The following IQCK variants were observed in gnomAD, a reference collection of about 807,000 sequenced individuals.
IQCK encodes IQ motif containing K, also known as IQ domain-containing protein K.
A neutral mutation model predicts 28.1 loss-of-function variants in IQCK; 29 were observed. The ratio of observed to expected loss-of-function variants is 1.03; its 90% CI spans 0.77 to 1.41. IQCK has a LOEUF of 1.41. Ranked by LOEUF, IQCK falls within the 40% of genes most tolerant of loss-of-function variation. The probability of loss-of-function intolerance (pLI) is 0.00; values close to 1 mark genes in which losing one functional copy is unlikely to be tolerated. For synonymous variants in IQCK, 113 were observed against 115.1 expected (o/e 0.98, Z 0.12); for missense variants, 359 against 314.7 (o/e 1.14, Z -1.07).
At chr16:19,848,083 C>G (rs1231475958) in intron 9 of IQCK, among the ~76,000 whole-genome samples, 2 of 152,172 alleles carry the variant, frequency 1.3e-5, no homozygotes, top group African/African-American at 2.4e-5. Context: ...ATTTCCAACT[C>G]GTTTTCCAAA....
chr16:19,858,168 T>C, exon 10 of IQCK: 1 of 244,598 alleles, frequency 4.1e-6, no homozygotes, highest in Non-Finnish European at 7.8e-6. Flanking sequence ...TGTCTCTTGA[T>C]ACTTTTCAGG....
intron 4 of IQCK, among the ~76,000 whole-genome samples, chr16:19,748,040 T>TGTTCTGGA (rs1459433002): frequency 6.6e-6 from 1 of 151,796 alleles, no homozygotes; most frequent in Non-Finnish European, 1.5e-5. Flanking sequence ...TGAAGGGGCT[T>TGTTCTGGA]GTTCTGGAGT....
chr16:19,772,550 T>C (rs1192664689), intron 6 of IQCK, among the ~76,000 whole-genome samples: 2 of 152,316 alleles, frequency 1.3e-5, no homozygotes, highest in African/African-American at 4.8e-5. Context: ...TATTTATATA[T>C]GAAATTACAT....
chr16:19,820,018 T>A (rs1466454571), intron 7 of IQCK, among the ~76,000 whole-genome samples: 1 of 152,166 alleles, frequency 6.6e-6, no homozygotes, highest in Non-Finnish European at 1.5e-5. Context: ...CAAATGGCTC[T>A]GGGGCAACTT....
At chr16:19,745,982 A>C (rs1053196872) in intron 4 of IQCK, among the ~76,000 whole-genome samples, 2 of 152,178 alleles carry the variant, frequency 1.3e-5, no homozygotes, top group Admixed American at 1.3e-4. Context: ...GACCTGGAAC[A>C]TGACTTCCAC....
intron 7 of IQCK, among the ~76,000 whole-genome samples, chr16:19,802,690 G>A (rs1001830891): frequency 6.6e-6 from 1 of 151,588 alleles, no homozygotes; most frequent in Non-Finnish European, 1.5e-5. Flanking sequence ...GGAAATCACT[G>A]ATTTGTTTTC....
At chr16:19,771,918 G>A (rs988035889) in intron 6 of IQCK, among the ~76,000 whole-genome samples, 7 of 152,148 alleles carry the variant, frequency 4.6e-5, no homozygotes, top group Non-Finnish European at 7.4e-5. Flanking sequence ...TGGTGAAACC[G>A]ACAGGGAATC....
intron 9 of IQCK, among the ~76,000 whole-genome samples, chr16:19,848,579 A>G (rs1198617472): frequency 6.6e-6 from 1 of 152,166 alleles, no homozygotes; most frequent in East Asian, 1.9e-4. Flanking sequence ...GGGAAAGGAA[A>G]CCACATTTCT....
chr16:19,857,366 T>C (rs976877953), exon 10 of IQCK: 8 of 416,324 alleles, frequency 1.9e-5, no homozygotes, highest in Admixed American at 1.7e-4. Flanking sequence ...CTGCCCATGG[T>C]TTACAGCCTT....
intron 4 of IQCK, among the ~76,000 whole-genome samples, chr16:19,741,629 G>C (rs1261682719): frequency 6.6e-6 from 1 of 152,184 alleles, no homozygotes; most frequent in African/African-American, 2.4e-5. Context: ...TGCTTGAACA[G>C]AGCATTAAAG....
chr16:19,722,607 T>C (rs895274584), intron 1 of IQCK, among the ~76,000 whole-genome samples: 1 of 152,218 alleles, frequency 6.6e-6, no homozygotes, highest in African/African-American at 2.4e-5. Flanking sequence ...TGGGAACTGT[T>C]TTCAATGCTG....
At chr16:19,847,852 G>C (rs2056431226) in intron 9 of IQCK, among the ~76,000 whole-genome samples, 1 of 152,142 alleles carries the variant, frequency 6.6e-6, no homozygotes, top group Non-Finnish European at 1.5e-5. Flanking sequence ...TTCCAAGCTG[G>C]AGTGCAGTGG....
intron 1 of IQCK, among the ~76,000 whole-genome samples, chr16:19,728,708 T>C (rs1406894198): frequency 1.3e-5 from 2 of 152,190 alleles, no homozygotes; most frequent in African/African-American, 4.8e-5. Flanking sequence ...AGGGGAATTA[T>C]GAGATAATAA....
At chr16:19,779,794 T>C (rs185159704) in intron 6 of IQCK, among the ~76,000 whole-genome samples, 1,814 of 150,058 alleles carry the variant, frequency 0.012, 42 homozygotes, top group African/African-American at 0.042. Context: ...CTCGGCTCAC[T>C]GCAAGTTCCG....
At chr16:19,721,960 C>T (rs370440128) in intron 1 of IQCK, among the ~76,000 whole-genome samples, 1 of 146,182 alleles carries the variant, frequency 6.8e-6, no homozygotes, top group African/African-American at 2.7e-5. Context: ...TAATCAAGCA[C>T]TCTCTGGCCT....
intron 1 of IQCK, among the ~76,000 whole-genome samples, chr16:19,719,919 T>G (rs1049691163): frequency 2.6e-5 from 4 of 152,000 alleles, no homozygotes; most frequent in African/African-American, 7.2e-5. Context: ...GTGATCTACC[T>G]GCCTCGGCCT....
At chr16:19,764,335 T>TAA in intron 6 of IQCK, 1 of 403,530 alleles carries the variant, frequency 2.5e-6, no homozygotes, top group Non-Finnish European at 4.4e-6. Flanking sequence ...ATAGAAAACT[T>TAA]AAAAAAAAAA....
intron 4 of IQCK, among the ~76,000 whole-genome samples, chr16:19,759,950 C>G (rs2055112974): frequency 6.6e-6 from 1 of 151,832 alleles, no homozygotes; most frequent in Admixed American, 6.6e-5. Context: ...CAGAGTGAGA[C>G]CCCGTCTCTA....
chr16:19,777,467 T>C (rs139499057), intron 6 of IQCK, among the ~76,000 whole-genome samples: 1 of 152,164 alleles, frequency 6.6e-6, no homozygotes, highest in African/African-American at 2.4e-5. Flanking sequence ...GAAAAAAAAA[T>C]CCTTTTAATT....
Sources: gnomAD v4.1 joint callset for allele counts (sites outside exome capture counted in the v4.1 genomes callset) on GRCh38, gnomAD v4.1.1 for gene constraint, MANE v1.5 for transcripts, NCBI Gene and HGNC (gene_info 2026-07-23, HGNC 2026-07-21) for gene names.